PRR14L: variants seen among roughly 807,000 people sequenced by gnomAD.
PRR14L encodes protein PRR14L.
A neutral mutation model predicts 155.0 loss-of-function variants in PRR14L; 80 were observed. The observed-to-expected ratio is 0.52, with a 90% confidence interval of 0.43 to 0.62. PRR14L has a LOEUF of 0.62. Among genes scored for constraint, PRR14L ranks in the 20% least tolerant of loss-of-function variants. PRR14L has a pLI of 0.00. For synonymous variants in PRR14L, 883 were observed against 916.0 expected (o/e 0.96, Z 0.65); for missense variants, 2,469 against 2,548.0 (o/e 0.97, Z 0.67).
chr22:31,699,024 C>T (rs111528874), intron 7 of PRR14L, among the ~76,000 whole-genome samples: 1,669 of 152,112 alleles, frequency 0.011, 32 homozygotes, highest in African/African-American at 0.038. Flanking sequence ...ACATACAATG[C>T]TTTATTATAA....
intron 1 of PRR14L, among the ~76,000 whole-genome samples, chr22:31,745,769 C>T (rs2074834042): frequency 6.6e-6 from 1 of 151,158 alleles, no homozygotes; most frequent in Non-Finnish European, 1.5e-5. Context: ...ATCGCTTGAA[C>T]CTGGGAGGCA....
At chr22:31,731,535 T>A (rs2074749881) in intron 2 of PRR14L, among the ~76,000 whole-genome samples, 1 of 120,718 alleles carries the variant, frequency 8.3e-6, no homozygotes, top group Admixed American at 1.2e-4. Context: ...ACCACTGCAC[T>A]CCAGCCTGCG....
chr22:31,738,823 A>G lies in PRR14L; in HGVS notation c.38T>C (p.Leu13Pro). 1.3e-6 allele frequency: 2 copies of G among 1,547,278 alleles called. No homozygotes were observed. Among genetic ancestry groups the G allele is most frequent in the Non-Finnish European group, 8.7e-7 (1 of 1,147,072 alleles). ...TACCACGGCAGACATGGAGGAATCA[A>G]GTGGAACTGGCTGAGTCTCTACTCC... The part of the protein sequence containing the change: ...SSGVETQPVP[L>P]DSSMSAVVQE... The change falls in exon 2 of 9, where the codon CTT becomes CCT. Residue 13 changes from leucine (L) to proline (P), a missense_variant. Physicochemically the swap from Leu to Pro is moderately conservative, Grantham distance 98. Around this residue, in one of 2 missense-constraint regions of PRR14L, gnomAD observed 2,363 missense variants for 2,371.6 expected, o/e 1.00. Transcript: ENST00000327423.
At chr22:31,687,331 T>A (rs1036097642) in intron 8 of PRR14L, among the ~76,000 whole-genome samples, 25 of 150,982 alleles carry the variant, frequency 1.7e-4, no homozygotes, top group African/African-American at 5.4e-4. Context: ...CCACTGCACC[T>A]GGCTGAGACT....
intron 7 of PRR14L, among the ~76,000 whole-genome samples, chr22:31,694,620 C>T (rs2074526283): frequency 6.6e-6 from 1 of 151,318 alleles, no homozygotes; most frequent in Non-Finnish European, 1.5e-5. Context: ...GGTGTGGTGG[C>T]GGGCGCCTGT....
Position 31,685,520 on chromosome 22 carries a change from T to A in PRR14L, c.*7A>T. 6.6e-7 allele frequency: 1 copy of A among 1,526,454 alleles called. No homozygotes were observed. Among genetic ancestry groups the A allele is most frequent in the South Asian group, 1.2e-5 (1 of 82,344 alleles). The allele number at this position is 1,526,454 out of a possible 1,614,324, so 94.6% of individuals were successfully genotyped here. A position where few individuals can be genotyped will look rare whatever the true frequency, so the allele number is the denominator to read the frequency against. On this transcript the variant is annotated 3_prime_UTR_variant, in exon 9 of 9. Transcript: ENST00000327423. ...CTAAAATTGAGACCCTCAAACTGAA[T>A]CGCTTCTCAACAGCCTGATGATTGT...
At chr22:31,740,529 A>AT (rs113832596) in intron 1 of PRR14L, among the ~76,000 whole-genome samples, 59 of 146,990 alleles carry the variant, frequency 4.0e-4, no homozygotes, top group African/African-American at 1.0e-3. Context: ...CACCTGGCTA[A>AT]TTTTTTTTTT....
Position 31,713,582 on chromosome 22 carries a change from T to C in PRR14L, c.4257A>G (p.Ile1419Met). Residue 1419 changes from isoleucine to methionine, a missense_variant, in exon 4 of 9, where the codon ATA becomes ATG. Transcript: ENST00000327423. ...QKAHTISQQC[I>M]SSSLLLDDAQ... is the part of the protein sequence containing the mutation. ...CATCATCTAACAACAGACTAGATGA[T>C]ATGCACTGTTGCGATATCGTATGTG... The C allele has an allele frequency of 6.4e-7, 1 of 1,552,142 alleles. No individual in the cohort carries two copies. The highest frequency in any genetic ancestry group is 8.7e-7 in the Non-Finnish European group (1 of 1,147,080).
At position 31,714,519 on chromosome 22, in the gene PRR14L, C is replaced by T. The variant is rs2074643088; in HGVS notation, c.3320G>A (p.Gly1107Glu). 2.6e-6 allele frequency: 4 copies of T among 1,552,134 alleles called. No individual in the cohort carries two copies. Among genetic ancestry groups the T allele is most frequent in the Non-Finnish European group, 3.5e-6 (4 of 1,147,076 alleles). Residue 1107 changes from glycine to glutamate, a missense_variant, in exon 4 of 9, where the codon GGA becomes GAA. Physicochemically the swap from Gly to Glu is moderately conservative, Grantham distance 98 (BLOSUM62 -2). This residue lies in a region of PRR14L where 2,363 missense variants were observed against 2,371.6 expected (regional missense o/e 1.00). Transcript: ENST00000327423. Reference sequence around the variant, plus strand: ...GAAATCTGAATCCTGACCAGTTGTTCCTGTATGTGCAGCATCCAGTTCTCT... The same window carrying T: ...GAAATCTGAATCCTGACCAGTTGTTTCTGTATGTGCAGCATCCAGTTCTCT... ...SRRELDAAHT[G>E]TTGQDSDFPV...
chr22:31,736,983 A>AGG (rs1050930846), intron 2 of PRR14L, among the ~76,000 whole-genome samples: 1 of 133,336 alleles, frequency 7.5e-6, no homozygotes, highest in African/African-American at 2.8e-5. Context: ...GGTTGCAGTG[A>AGG]GGCAAGATCA....
intron 2 of PRR14L, among the ~76,000 whole-genome samples, chr22:31,737,784 G>A (rs1387433533): frequency 6.6e-6 from 1 of 152,020 alleles, no homozygotes; most frequent in Admixed American, 6.6e-5. Flanking sequence ...AGGCTGAGGT[G>A]GGTGGATTAC....
At chr22:31,733,904 C>G (rs921577717) in intron 2 of PRR14L, among the ~76,000 whole-genome samples, 1 of 150,080 alleles carries the variant, frequency 6.7e-6, no homozygotes, top group South Asian at 2.1e-4. Context: ...ACCACCACCA[C>G]CACACACACA....
chr22:31,722,043 A>C (rs532834756), intron 3 of PRR14L, among the ~76,000 whole-genome samples: 1 of 152,308 alleles, frequency 6.6e-6, no homozygotes, highest in South Asian at 2.1e-4. Flanking sequence ...AACGTAATAA[A>C]TAAAATCAAG....
intron 3 of PRR14L, among the ~76,000 whole-genome samples, chr22:31,718,368 G>A (rs1255280276): frequency 6.6e-6 from 1 of 152,022 alleles, no homozygotes; most frequent in Non-Finnish European, 1.5e-5. Flanking sequence ...CCATTCTCCT[G>A]CCTCAGCCTC....
At chr22:31,701,797 C>T (rs770594415) in intron 6 of PRR14L, 35 bp from the exon 7 acceptor site, 1 of 1,488,348 alleles carries the variant, frequency 6.7e-7, no homozygotes, top group East Asian at 2.3e-5. Flanking sequence ...GATGGTCAAG[C>T]TGTAAGACAT....
intron 8 of PRR14L, 82 bp from the exon 9 acceptor site, chr22:31,685,885 G>GTCTA (rs2074479759): frequency 7.9e-7 from 1 of 1,266,396 alleles, no homozygotes; most frequent in Non-Finnish European, 1.1e-6. Context: ...GTTGACGCTG[G>GTCTA]GTCAACAACC....
At position 31,701,760 on chromosome 22, in the gene PRR14L, A is replaced by C. The variant is rs747960707; in HGVS notation, c.6003T>G (p.Ala2001=). Residue 2001 remains alanine (A), a splice_region_variant and synonymous_variant, in exon 7 of 9, where the codon GCT becomes GCG. Coordinates refer to ENST00000327423, the MANE Select transcript of PRR14L (RefSeq NM_173566.3). ...CTTTCTTTGGCCTCTTCTCTGGCTC[A>C]GCCTATTTTTAAGGATTAAGAAGAA... The part of the protein sequence containing the change: ...PQSSPPEQKE[A]EPEKRPKKVS... 2.5e-6 allele frequency: 4 copies of C among 1,611,190 alleles called. No homozygotes were observed. The South Asian group carries it at 3.3e-5, about 13-fold the overall frequency.
At chr22:31,707,483 C>A (rs778092785) in intron 4 of PRR14L, among the ~76,000 whole-genome samples, 2 of 152,090 alleles carry the variant, frequency 1.3e-5, no homozygotes, top group Non-Finnish European at 2.9e-5. Context: ...CAGGTTCAAG[C>A]GATTCTCCTG....
chr22:31,700,770 G>A (rs1052601398), intron 7 of PRR14L, among the ~76,000 whole-genome samples: 5 of 152,110 alleles, frequency 3.3e-5, no homozygotes, highest in Non-Finnish European at 5.9e-5. Flanking sequence ...TGGTCAGGCT[G>A]GTCTCAAACT....
Sources: gnomAD v4.1 joint callset for allele counts (sites outside exome capture counted in the v4.1 genomes callset) on GRCh38, gnomAD v4.1.1 for gene constraint, gnomAD v4.1.1 regional missense constraint, MANE v1.5 for transcripts, NCBI Gene and HGNC (gene_info 2026-07-23, HGNC 2026-07-21) for gene names.